The following NEGR1 variants were observed in gnomAD, a reference collection of about 807,000 sequenced individuals.
NEGR1 encodes the protein IgLON family member 4.
NEGR1 carries 10 observed loss-of-function variants against 40.9 expected under a neutral mutation model. The observed-to-expected ratio is 0.24, with a 90% CI of 0.15 to 0.42. NEGR1 has a LOEUF of 0.42. Ranked by LOEUF, NEGR1 falls within the 10% of genes least tolerant of loss-of-function variation. The pLI is 1.00. For synonymous variants in NEGR1, 185 were observed against 166.8 expected (o/e 1.11, Z -0.84); for missense variants, 352 against 438.9 (o/e 0.80, Z 1.77).
intron 1 of NEGR1, among the ~76,000 whole-genome samples, chr1:72,245,086 C>T (rs114804381): frequency 0.017 from 2,564 of 151,958 alleles, 87 homozygotes; most frequent in African/African-American, 0.059. Context: ...ACAGGACAAC[C>T]GTATTGGTCA....
intron 1 of NEGR1, among the ~76,000 whole-genome samples, chr1:72,017,076 A>C (rs1646717483): frequency 6.6e-6 from 1 of 152,092 alleles, no homozygotes; most frequent in Admixed American, 6.6e-5. Context: ...TGTAATGTGC[A>C]TACATATACA....
chr1:71,474,760 A>C (rs1434148858), intron 6 of NEGR1, among the ~76,000 whole-genome samples: 1 of 151,528 alleles, frequency 6.6e-6, no homozygotes, highest in Non-Finnish European at 1.5e-5. Flanking sequence ...AACCAGAATA[A>C]ATAAACCATA....
chr1:71,766,613 A>T (rs185434411), intron 3 of NEGR1, among the ~76,000 whole-genome samples: 195 of 152,334 alleles, frequency 1.3e-3, no homozygotes, highest in Non-Finnish European at 2.0e-3. Flanking sequence ...CATCAAAATA[A>T]ATAGCCACAA....
intron 6 of NEGR1, among the ~76,000 whole-genome samples, chr1:71,498,007 G>T (rs1264571952): frequency 6.6e-6 from 1 of 151,864 alleles, no homozygotes; most frequent in Non-Finnish European, 1.5e-5. Flanking sequence ...GCTTCCACAG[G>T]CTGTTGCATA....
chr1:71,895,302 G>C (rs182124631), intron 2 of NEGR1, among the ~76,000 whole-genome samples: 1 of 152,024 alleles, frequency 6.6e-6, no homozygotes, highest in East Asian at 1.9e-4. Context: ...TAAGTAGGTT[G>C]TTTTTCATTT....
chr1:71,960,530 T>C (rs1353889423), intron 1 of NEGR1, among the ~76,000 whole-genome samples: 1 of 152,196 alleles, frequency 6.6e-6, no homozygotes, highest in Admixed American at 6.6e-5. Context: ...TAGCATAAAA[T>C]GAAGATGTAA....
At chr1:72,045,877 T>C (rs1213279756) in intron 1 of NEGR1, among the ~76,000 whole-genome samples, 5 of 151,774 alleles carry the variant, frequency 3.3e-5, no homozygotes, top group Non-Finnish European at 7.4e-5. Flanking sequence ...CGAAAGAATA[T>C]CTTAAAATGA....
intron 1 of NEGR1, among the ~76,000 whole-genome samples, chr1:71,985,620 T>C (rs1426910832): frequency 1.3e-5 from 2 of 152,192 alleles, no homozygotes; most frequent in East Asian, 3.8e-4. Flanking sequence ...AGGTTTTCTA[T>C]GTAATGACTT....
chr1:71,877,667 T>A (rs554161), intron 2 of NEGR1, among the ~76,000 whole-genome samples: 48,807 of 152,030 alleles, frequency 0.32, 8,192 homozygotes, highest in East Asian at 0.6. Context: ...TATACTGCCA[T>A]TGATAAAAAA....
chr1:72,079,656 A>G (rs1197386846), intron 1 of NEGR1, among the ~76,000 whole-genome samples: 3 of 152,148 alleles, frequency 2.0e-5, no homozygotes, highest in South Asian at 4.1e-4. Flanking sequence ...TTAAATGATC[A>G]AAACTTGGGC....
chr1:72,094,830 A>G (rs1001809064), intron 1 of NEGR1, among the ~76,000 whole-genome samples: 2 of 152,228 alleles, frequency 1.3e-5, no homozygotes, highest in African/African-American at 4.8e-5. Context: ...AAGTAATATG[A>G]GTAAATTGAT....
chr1:72,256,601 T>G (rs1655277697), intron 1 of NEGR1, among the ~76,000 whole-genome samples: 1 of 152,244 alleles, frequency 6.6e-6, no homozygotes, highest in South Asian at 2.1e-4. Flanking sequence ...TAACATGTAA[T>G]TCATTATTGC....
chr1:71,694,305 C>T lies in NEGR1; in HGVS notation c.667+3703G>A, dbSNP rs539781330. 7.3e-5 allele frequency among the ~76,000 whole-genome samples: 11 copies of T among 151,318 alleles called. No homozygotes were observed. The South Asian group carries it at 2.3e-3, about 31-fold the overall frequency. On this transcript the variant is annotated intron_variant, in intron 4 of 6. Coordinates refer to ENST00000357731, the MANE Select transcript of NEGR1 (RefSeq NM_173808.3). ...GGTTTAATTATGATAATTTTCATGA[C>T]CCCTTTTCATTATTTTAATTTTTTA...
intron 3 of NEGR1, among the ~76,000 whole-genome samples, chr1:71,745,650 G>T (rs115037684): frequency 0.016 from 2,476 of 152,202 alleles, 53 homozygotes; most frequent in African/African-American, 0.049. Context: ...GGAATGATGG[G>T]CCTCAGAAAA....
At chr1:72,157,125 G>A (rs1395832097) in intron 1 of NEGR1, among the ~76,000 whole-genome samples, 1 of 151,908 alleles carries the variant, frequency 6.6e-6, no homozygotes, top group Non-Finnish European at 1.5e-5. Context: ...ACCTTGTCTG[G>A]CTATGTTTTT....
At chr1:71,708,733 C>A (rs1368452974) in intron 3 of NEGR1, among the ~76,000 whole-genome samples, 2 of 152,136 alleles carry the variant, frequency 1.3e-5, no homozygotes, top group Non-Finnish European at 2.9e-5. Context: ...ATTAGCTATT[C>A]TTCCTGATGC....
intron 3 of NEGR1, among the ~76,000 whole-genome samples, chr1:71,715,467 T>A (rs1484879975): frequency 6.6e-6 from 1 of 152,232 alleles, no homozygotes; most frequent in African/African-American, 2.4e-5. Context: ...GCTTCAAATT[T>A]CCCAAACTTT....
intron 1 of NEGR1, among the ~76,000 whole-genome samples, chr1:72,010,191 G>A (rs767581285): frequency 1.1e-4 from 16 of 152,018 alleles, no homozygotes; most frequent in East Asian, 1.9e-4. Flanking sequence ...GGGGCGGGGC[G>A]GGGGAATCAA....
chr1:72,208,584 C>T (rs541231104), intron 1 of NEGR1, among the ~76,000 whole-genome samples: 52 of 151,434 alleles, frequency 3.4e-4, no homozygotes, highest in Non-Finnish European at 5.6e-4. Flanking sequence ...TAGACATGAT[C>T]GGTATATTAC....
Sources: allele counts gnomAD v4.1 joint callset (sites outside exome capture counted in the v4.1 genomes callset), GRCh38; gene constraint gnomAD v4.1.1; transcripts MANE v1.5; gene names NCBI Gene and HGNC (gene_info 2026-07-23, HGNC 2026-07-21).